Variants in DGKI observed in about 807,000 individuals in gnomAD.
The protein encoded by DGKI is DAG kinase iota.
In DGKI, 55 loss-of-function variants were observed where a neutral mutation model predicts 147.5. The ratio of observed to expected loss-of-function variants is 0.37; its 90% CI spans 0.30 to 0.47. The LOEUF (loss-of-function observed/expected upper bound fraction) is 0.47. Ranked by LOEUF, DGKI falls within the 20% of genes least tolerant of loss-of-function variation. DGKI has a pLI of 1.00. For synonymous variants in DGKI, 469 were observed against 477.1 expected (o/e 0.98, Z 0.22); for missense variants, 1,007 against 1,323.8 (o/e 0.76, Z 3.71).
intron 20 of DGKI, among the ~76,000 whole-genome samples, chr7:137,542,290 T>C (rs1817730220): frequency 6.6e-6 from 1 of 152,196 alleles, no homozygotes; most frequent in South Asian, 2.1e-4. Context: ...ACATAAAGCT[T>C]ATTACATAAA....
chr7:137,570,463 T>C (rs1374294711), intron 19 of DGKI, among the ~76,000 whole-genome samples: 1 of 152,226 alleles, frequency 6.6e-6, no homozygotes, highest in Non-Finnish European at 1.5e-5. Context: ...ATCATTTTAC[T>C]CATAAGTAAG....
At chr7:137,614,319 T>G (rs573650508) in intron 8 of DGKI, among the ~76,000 whole-genome samples, 10 of 152,288 alleles carry the variant, frequency 6.6e-5, no homozygotes, top group African/African-American at 2.4e-4. Flanking sequence ...CATCTCATGA[T>G]ACATAAGTTT....
intron 6 of DGKI, among the ~76,000 whole-genome samples, chr7:137,639,450 T>C (rs895705815): frequency 1.3e-5 from 2 of 152,178 alleles, no homozygotes; most frequent in African/African-American, 2.4e-5. Flanking sequence ...CTTGTGTACC[T>C]GGAACTTTTT....
chr7:137,411,255 A>G (rs1379040061), intron 29 of DGKI, among the ~76,000 whole-genome samples: 1 of 152,230 alleles, frequency 6.6e-6, no homozygotes, highest in Non-Finnish European at 1.5e-5. Flanking sequence ...TTGCAGGGGC[A>G]TATGGGCAGT....
intron 1 of DGKI, among the ~76,000 whole-genome samples, chr7:137,721,383 C>A (rs1794552811): frequency 6.6e-6 from 1 of 152,190 alleles, no homozygotes; most frequent in Admixed American, 6.5e-5. Context: ...TACCTGCCAT[C>A]CTAAGCCAGA....
intron 20 of DGKI, among the ~76,000 whole-genome samples, chr7:137,542,708 AAACTTTATGG>A (rs1233922312): frequency 6.6e-6 from 1 of 152,166 alleles, no homozygotes; most frequent in Non-Finnish European, 1.5e-5. Flanking sequence ...TATATGTCTT[AAACTTTATGG>A]AACTGTACAC....
intron 23 of DGKI, among the ~76,000 whole-genome samples, chr7:137,472,343 AATTATT>A (rs367997893): frequency 1.3e-5 from 1 of 78,772 alleles, no homozygotes; most frequent in South Asian, 3.3e-4. Context: ...ATATACATAT[AATTATT>A]ATATGTATAT....
At chr7:137,638,637 T>TGTATATACACACAC (rs1821496477) in intron 6 of DGKI, among the ~76,000 whole-genome samples, 1 of 10,032 alleles carries the variant, frequency 1.0e-4, no homozygotes, top group South Asian at 6.1e-3. Context: ...TATGTGTGTA[T>TGTATATACACACAC]ATATGTGTAT....
chr7:137,660,958 G>A (rs1408561741), intron 3 of DGKI, among the ~76,000 whole-genome samples: 1 of 152,122 alleles, frequency 6.6e-6, no homozygotes, highest in East Asian at 1.9e-4. Flanking sequence ...TAAAAGGATT[G>A]GGGCCTTTTT....
chr7:137,505,534 T>G (rs77775650), intron 21 of DGKI, among the ~76,000 whole-genome samples: 2,088 of 152,230 alleles, frequency 0.014, 52 homozygotes, highest in African/African-American at 0.047. Flanking sequence ...ATTAGAATAT[T>G]CACTTCTTTT....
intron 20 of DGKI, among the ~76,000 whole-genome samples, chr7:137,523,994 G>C (rs1817054334): frequency 6.6e-6 from 1 of 151,434 alleles, no homozygotes; most frequent in Middle Eastern, 3.2e-3. Flanking sequence ...TCTTGTCAAT[G>C]GATAAATACC....
chr7:137,522,630 A>G (rs1817002058), intron 20 of DGKI, among the ~76,000 whole-genome samples: 2 of 152,128 alleles, frequency 1.3e-5, no homozygotes, highest in Non-Finnish European at 2.9e-5. Flanking sequence ...AAAGAATTCA[A>G]TGCATACTGA....
At chr7:137,554,182 T>G (rs1281716629) in intron 19 of DGKI, among the ~76,000 whole-genome samples, 2 of 152,232 alleles carry the variant, frequency 1.3e-5, no homozygotes, top group Non-Finnish European at 2.9e-5. Flanking sequence ...GTAGAGACAT[T>G]TCCATTATTG....
chr7:137,672,185 G>T (rs1245516158), intron 3 of DGKI, among the ~76,000 whole-genome samples: 1 of 152,186 alleles, frequency 6.6e-6, no homozygotes, highest in African/African-American at 2.4e-5. Context: ...GTGTGCATAC[G>T]TGTCAGTGAG....
intron 6 of DGKI, among the ~76,000 whole-genome samples, chr7:137,638,368 T>G (rs1040792810): frequency 2.0e-5 from 3 of 148,566 alleles, no homozygotes; most frequent in Non-Finnish European, 4.5e-5. Flanking sequence ...CCCCAATGCT[T>G]CTTTTTTTTT....
intron 1 of DGKI, among the ~76,000 whole-genome samples, chr7:137,756,223 G>C (rs755812230): frequency 1.3e-5 from 2 of 152,126 alleles, no homozygotes; most frequent in African/African-American, 2.4e-5. Context: ...AATCCAGACA[G>C]GAGATAATAT....
At chr7:137,737,404 G>C (rs1795054689) in intron 1 of DGKI, among the ~76,000 whole-genome samples, 1 of 151,784 alleles carries the variant, frequency 6.6e-6, no homozygotes, top group South Asian at 2.1e-4. Flanking sequence ...AGGCAAATCT[G>C]TTCCATGCAT....
At chr7:137,746,925 G>T (rs1795354878) in intron 1 of DGKI, among the ~76,000 whole-genome samples, 1 of 152,036 alleles carries the variant, frequency 6.6e-6, no homozygotes, top group Admixed American at 6.5e-5. Flanking sequence ...AGTTAGCCTG[G>T]GGCAAGATGA....
At chr7:137,504,379 C>T (rs6957428) in intron 21 of DGKI, among the ~76,000 whole-genome samples, 137 of 152,102 alleles carry the variant, frequency 9.0e-4, no homozygotes, top group African/African-American at 2.9e-3. Flanking sequence ...ATTATAAGAA[C>T]GTGTGATACC....
Sources: allele counts gnomAD v4.1 joint callset (sites outside exome capture counted in the v4.1 genomes callset), GRCh38; gene constraint gnomAD v4.1.1; transcripts MANE v1.5; gene names NCBI Gene and HGNC (gene_info 2026-07-23, HGNC 2026-07-21).